The following OR10H1 variants were observed in gnomAD, a reference collection of about 807,000 sequenced individuals.
The protein encoded by OR10H1 is olfactory receptor family 10 subfamily H member 1.
OR10H1 carries 12 observed loss-of-function variants against 13.1 expected under a neutral mutation model. The observed-to-expected ratio is 0.92, with a 90% CI of 0.59 to 1.48. The LOEUF (loss-of-function observed/expected upper bound fraction) is 1.48. Ranked by LOEUF, OR10H1 falls within the 40% of genes most tolerant of loss-of-function variation. OR10H1 has a pLI of 0.00. For missense variants in OR10H1, 363 were observed against 413.1 expected (o/e 0.88, Z 1.05); for synonymous variants, 168 against 175.6 (o/e 0.96, Z 0.34).
rs752024366 is a variant in OR10H1, at chr19:15,807,064, T to C, written c.*17A>G. 1.3e-6 allele frequency: 2 copies of C among 1,597,934 alleles called. No individual in the cohort carries two copies. Among genetic ancestry groups the C allele is most frequent in the South Asian group, 1.1e-5 (1 of 89,632 alleles). ...AGCCTTCGGTAATCCAATTTAGTTGTTCCCAGTGAATTTCTCCTACATCAT... is the reference window on the plus strand; with the variant it reads ...AGCCTTCGGTAATCCAATTTAGTTGCTCCCAGTGAATTTCTCCTACATCAT... On this transcript the variant is annotated 3_prime_UTR_variant, in exon 4 of 4. Coordinates refer to ENST00000641419, the MANE Select transcript of OR10H1 (RefSeq NM_013940.4).
chr19:15,814,977 G>C (rs1206140073), intron 1 of OR10H1, among the ~76,000 whole-genome samples: 1 of 152,152 alleles, frequency 6.6e-6, no homozygotes, highest in African/African-American at 2.4e-5. Flanking sequence ...AGCATTGGCT[G>C]TCTTCTCTCT....
chr19:15,811,581 C>T (rs546459944), intron 2 of OR10H1, among the ~76,000 whole-genome samples: 22 of 152,156 alleles, frequency 1.4e-4, no homozygotes, highest in Non-Finnish European at 3.2e-4. Flanking sequence ...AGAGTGCAGC[C>T]GCAACTCCTT....
intron 3 of OR10H1, among the ~76,000 whole-genome samples, chr19:15,808,296 G>A (rs1243683611): frequency 6.6e-6 from 1 of 152,156 alleles, no homozygotes; most frequent in African/African-American, 2.4e-5. Flanking sequence ...TCAAGGCCAA[G>A]CTGTTGAAAC....
chr19:15,811,085 G>C lies in OR10H1; in HGVS notation c.-129+1145C>G, dbSNP rs545035169. On this transcript the variant is annotated intron_variant, in intron 2 of 3. Transcript: ENST00000641419. ...AGAACCAGCTCCTTTGGTGAGCAGAGGCTGCATTCTCCAAACATCGTTGGT... is the reference window on the plus strand; with the variant it reads ...AGAACCAGCTCCTTTGGTGAGCAGACGCTGCATTCTCCAAACATCGTTGGT... 1.6e-4 allele frequency among the ~76,000 whole-genome samples: 25 copies of C among 152,200 alleles called. No individual in the cohort carries two copies. The South Asian group carries it at 5.2e-3, about 32-fold the overall frequency.
chr19:15,807,335 G>C lies in OR10H1; in HGVS notation c.703C>G (p.Arg235Gly), dbSNP rs749238217. 3.7e-6 allele frequency: 6 copies of C among 1,613,864 alleles called. No homozygotes were observed. In the South Asian group the frequency reaches 6.6e-5, roughly 18 times the overall value. ...GCACAGGTGGAGAAGGCCTTGTTCCGACCTTCAGCAGAAGGGATCTTCAAG... is the reference window on the plus strand; with the variant it reads ...GCACAGGTGGAGAAGGCCTTGTTCCCACCTTCAGCAGAAGGGATCTTCAAG... ...AILKIPSAEGRNKAFSTCASH... is the reference protein window; with the variant it reads ...AILKIPSAEGGNKAFSTCASH... The change falls in exon 4 of 4, where the codon CGG becomes GGG. Residue 235 changes from arginine to glycine, a missense_variant. Physicochemically the swap from Arg to Gly is moderately radical, Grantham distance 125. Coordinates refer to ENST00000641419, the MANE Select transcript of OR10H1 (RefSeq NM_013940.4).
chr19:15,810,601 A>C (rs2088927701), intron 2 of OR10H1, among the ~76,000 whole-genome samples: 1 of 151,972 alleles, frequency 6.6e-6, no homozygotes, highest in African/African-American at 2.4e-5. Context: ...TTCGTGAACA[A>C]TGCTGCAATG....
chr19:15,807,648 C>T lies in OR10H1; in HGVS notation c.390G>A (p.Leu130=). The change falls in exon 4 of 4, where the codon CTG becomes CTA. Residue 130 remains leucine (L), a synonymous_variant. Coordinates refer to ENST00000641419, the MANE Select transcript of OR10H1 (RefSeq NM_013940.4). Reference sequence around the variant, plus strand: ...GCGGGCTCATGAGCACGTTGTAGCGCAGGGGGTGGCAGATGGCCACGTAGC... The same window carrying T: ...GCGGGCTCATGAGCACGTTGTAGCGTAGGGGGTGGCAGATGGCCACGTAGC... The part of the protein sequence containing the change: ...YDRYVAICHP[L]RYNVLMSPRG... The T allele has an allele frequency of 6.2e-7, 1 of 1,614,084 alleles. No homozygotes were observed. Among genetic ancestry groups the T allele is most frequent in the South Asian group, 1.1e-5 (1 of 91,072 alleles).
At chr19:15,808,150 G>C in intron 3 of OR10H1, 102 bp from the exon 4 acceptor site, 2 of 952,268 alleles carry the variant, frequency 2.1e-6, no homozygotes, top group Non-Finnish European at 3.2e-6. Context: ...TTGATAAATG[G>C]TTTGGTTCCA....
At chr19:15,813,735 T>G (rs879385481) in intron 1 of OR10H1, among the ~76,000 whole-genome samples, 932 of 50,182 alleles carry the variant, frequency 0.019, no homozygotes, top group African/African-American at 0.021. Context: ...GAGAGAGAAG[T>G]GGGGAGAGAG....
At chr19:15,809,612 C>T (rs142961813) in intron 2 of OR10H1, among the ~76,000 whole-genome samples, 216 of 152,164 alleles carry the variant, frequency 1.4e-3, no homozygotes, top group African/African-American at 4.7e-3. Context: ...TAAAGTTGAG[C>T]AGATTCCTTT....
intron 3 of OR10H1, among the ~76,000 whole-genome samples, chr19:15,808,416 G>A (rs1011902659): frequency 6.6e-6 from 1 of 152,098 alleles, no homozygotes; most frequent in Non-Finnish European, 1.5e-5. Flanking sequence ...AGGCTGGCAT[G>A]GTGGTTCACA....
In OR10H1 at chr19:15,812,793, G is replaced by A. The variant is rs774672012; in HGVS notation, c.-692C>T. 2.6e-5 allele frequency: 2 copies of A among 75,968 alleles called. No homozygotes were observed. The highest frequency in any genetic ancestry group is 5.8e-4 in the South Asian group (2 of 3,458). The allele number at this position is 75,968 out of a possible 1,614,324, so 4.7% of individuals were successfully genotyped here. A position where few individuals can be genotyped will look rare whatever the true frequency, so the allele number is the denominator to read the frequency against. On this transcript the variant is annotated 5_prime_UTR_variant, in exon 2 of 4. The change creates a new upstream start codon in the 5' untranslated region. Transcript: ENST00000641419. Reference sequence around the variant, plus strand: ...CCTTGAGAGGACAGGAGCCGATCACGTCTGTAGGAGGTAGCTGAGGGCTGC... The same window carrying A: ...CCTTGAGAGGACAGGAGCCGATCACATCTGTAGGAGGTAGCTGAGGGCTGC...
intron 2 of OR10H1, among the ~76,000 whole-genome samples, chr19:15,811,068 C>T (rs2088930275): frequency 6.6e-6 from 1 of 152,122 alleles, no homozygotes; most frequent in Admixed American, 6.5e-5. Context: ...GAAGAACCAG[C>T]TCCTTTGGTG....
chr19:15,815,089 C>T (rs2088958894), intron 1 of OR10H1, among the ~76,000 whole-genome samples: 2 of 152,108 alleles, frequency 1.3e-5, no homozygotes, highest in Admixed American at 6.5e-5. Context: ...GCCTGTAATC[C>T]CAGTACTTTG....
At position 15,806,777 on chromosome 19, in the gene OR10H1, G is replaced by C. The variant is rs952682719; in HGVS notation, c.*304C>G. The C allele has an allele frequency of 3.5e-6, 1 of 288,178 alleles. No homozygotes were observed. The highest frequency in any genetic ancestry group is 8.1e-5 in the East Asian group (1 of 12,396). 17.9% of individuals were successfully genotyped at this position (288,178 alleles called of 1,614,324 possible). A position where few individuals can be genotyped will look rare whatever the true frequency, so the allele number is the denominator to read the frequency against. ...CAGTCTCACTCTGTCGCCCAGGCTG[G>C]AGTGCAGTGGTGTGATCTCAGCTCA... is the stretch of plus-strand genomic sequence containing the variant. On this transcript the variant is annotated 3_prime_UTR_variant, in exon 4 of 4. Transcript: ENST00000641419.
intron 1 of OR10H1, among the ~76,000 whole-genome samples, chr19:15,813,697 C>G (rs1245445887): frequency 8.6e-4 from 76 of 88,572 alleles, no homozygotes; most frequent in South Asian, 1.5e-3. Flanking sequence ...GAGAGAAGGA[C>G]AGGGAGAAAG....
In OR10H1 at chr19:15,812,408, A is replaced by T. The variant is rs2088937533; in HGVS notation, c.-307T>A. 1 of 151,796 alleles carries T rather than the reference A, an allele frequency of 6.6e-6. No individual in the cohort carries two copies. The highest frequency in any genetic ancestry group is 2.4e-5 in the African/African-American group (1 of 41,196). The allele number at this position is 151,796 out of a possible 1,614,324, so 9.4% of individuals were successfully genotyped here. ...GGAGGAGGAGGAGGAAAAGAAAGAAAAAAGGGAGGAAGAAAGAGAGGGAGG... is the reference window on the plus strand; with the variant it reads ...GGAGGAGGAGGAGGAAAAGAAAGAATAAAGGGAGGAAGAAAGAGAGGGAGG... On this transcript the variant is annotated 5_prime_UTR_variant, in exon 2 of 4. Transcript: ENST00000641419.
chr19:15,811,337 C>T (rs773934845), intron 2 of OR10H1, among the ~76,000 whole-genome samples: 43 of 152,126 alleles, frequency 2.8e-4, no homozygotes, highest in Non-Finnish European at 3.7e-4. Flanking sequence ...TCTGTGGCTC[C>T]CCAGTGCCTA....
chr19:15,809,601 G>C (rs1004928394), intron 2 of OR10H1, among the ~76,000 whole-genome samples: 1 of 152,058 alleles, frequency 6.6e-6, no homozygotes, highest in African/African-American at 2.4e-5. Context: ...CCAATATTTT[G>C]TAAAGTTGAG....
Sources: allele counts gnomAD v4.1 joint callset (sites outside exome capture counted in the v4.1 genomes callset), GRCh38; gene constraint gnomAD v4.1.1; transcripts MANE v1.5; gene names NCBI Gene and HGNC (gene_info 2026-07-23, HGNC 2026-07-21).